Variants in HS2ST1 observed in about 807,000 individuals in gnomAD.
HS2ST1 encodes the protein heparan sulfate 2-O-sulfotransferase 1.
HS2ST1 carries 18 observed loss-of-function variants against 42.9 expected under a neutral mutation model. The ratio of observed to expected loss-of-function variants is 0.42; its 90% confidence interval spans 0.29 to 0.62. The LOEUF is 0.62. Among genes scored for constraint, HS2ST1 ranks in the 20% least tolerant of loss-of-function variants. The pLI, the probability that HS2ST1 is intolerant of heterozygous loss-of-function variation, is 0.21. For missense variants in HS2ST1, 334 were observed against 433.8 expected, an observed-to-expected ratio of 0.77 and a Z score of 2.04; for synonymous variants, 146 against 152.9, an observed-to-expected ratio of 0.95 and a Z score of 0.33.
chr1:86,943,537 C>T (rs1373206735), intron 1 of HS2ST1, among the ~76,000 whole-genome samples: 1 of 151,948 alleles, frequency 6.6e-6, no homozygotes, highest in Admixed American at 6.6e-5. Context: ...GCCTGGGCAA[C>T]ATGGCAAAAC....
intron 1 of HS2ST1, among the ~76,000 whole-genome samples, chr1:86,974,747 A>G (rs901691084): frequency 6.6e-6 from 1 of 152,184 alleles, no homozygotes; most frequent in Non-Finnish European, 1.5e-5. Context: ...AAACCCACAC[A>G]TTAAGACCCA....
chr1:87,105,087 C>G lies in HS2ST1; in HGVS notation c.*391C>G, dbSNP rs914783916. On this transcript the variant is annotated 3_prime_UTR_variant, in exon 7 of 7. Coordinates refer to ENST00000370550, the MANE Select transcript of HS2ST1 (RefSeq NM_012262.4). ...AGATGAGTCCATTTGCCTCTTCTGC[C>G]TTCACTGAGGGTTTGGGTTATACAC... 5.5e-6 allele frequency: 1 copy of G among 181,820 alleles called. No individual in the cohort carries two copies. Among genetic ancestry groups the G allele is most frequent in the Non-Finnish European group, 1.2e-5 (1 of 86,384 alleles). 11.3% of individuals were successfully genotyped at this position (181,820 alleles called of 1,614,324 possible).
intron 1 of HS2ST1, among the ~76,000 whole-genome samples, chr1:86,935,905 A>G (rs1660642245): frequency 6.6e-6 from 1 of 152,198 alleles, no homozygotes; most frequent in Admixed American, 6.5e-5. Flanking sequence ...TCCTTCACCC[A>G]GTTTTCCCCA....
chr1:86,949,298 A>T (rs1647432516), intron 1 of HS2ST1, among the ~76,000 whole-genome samples: 1 of 152,148 alleles, frequency 6.6e-6, no homozygotes, highest in Non-Finnish European at 1.5e-5. Flanking sequence ...TAGTAGAGGC[A>T]GGGTTTCGCC....
chr1:86,947,916 T>C (rs1647387263), intron 1 of HS2ST1, among the ~76,000 whole-genome samples: 1 of 152,138 alleles, frequency 6.6e-6, no homozygotes, highest in South Asian at 2.1e-4. Context: ...GCAATATATA[T>C]GGAACATTCA....
intron 1 of HS2ST1, among the ~76,000 whole-genome samples, chr1:86,968,768 CT>C (rs1002910570): frequency 3.3e-5 from 5 of 151,764 alleles, no homozygotes; most frequent in African/African-American, 9.7e-5. Context: ...AACGTCTTTA[CT>C]TTAATCATTT....
intron 1 of HS2ST1, among the ~76,000 whole-genome samples, chr1:86,978,692 G>A (rs1290658095): frequency 1.3e-5 from 2 of 151,754 alleles, no homozygotes; most frequent in Non-Finnish European, 1.5e-5. Flanking sequence ...CATTCCAACT[G>A]AATAATTACA....
intron 1 of HS2ST1, among the ~76,000 whole-genome samples, chr1:87,049,256 AT>A (rs1278236974): frequency 6.6e-6 from 1 of 151,914 alleles, no homozygotes; most frequent in African/African-American, 2.4e-5. Flanking sequence ...CATTTCTGAT[AT>A]TAATAATTTG....
chr1:86,924,016 T>C (rs1660359815), intron 1 of HS2ST1, among the ~76,000 whole-genome samples: 1 of 152,218 alleles, frequency 6.6e-6, no homozygotes, highest in East Asian at 1.9e-4. Context: ...CCCTTCTGCC[T>C]ATGAGCCTGT....
At chr1:87,103,663 A>C (rs1249948698) in intron 6 of HS2ST1, 74 bp downstream of exon 6, 1 of 1,272,478 alleles carries the variant, frequency 7.9e-7, no homozygotes, top group Non-Finnish European at 1.1e-6. Flanking sequence ...TAAATATGTG[A>C]TTTGAAGTTT....
chr1:87,091,914 T>A (rs1018079121), intron 3 of HS2ST1, among the ~76,000 whole-genome samples: 2 of 152,012 alleles, frequency 1.3e-5, no homozygotes, highest in African/African-American at 4.8e-5. Context: ...ACCTCTATCT[T>A]GTCTTTAAAA....
chr1:87,031,404 G>A (rs1022989252), intron 1 of HS2ST1, among the ~76,000 whole-genome samples: 15 of 151,804 alleles, frequency 9.9e-5, no homozygotes, highest in Middle Eastern at 3.4e-3. Flanking sequence ...GGGAGTCATC[G>A]TTGAGAACCA....
At chr1:87,067,222 C>T (rs1034824388) in intron 1 of HS2ST1, among the ~76,000 whole-genome samples, 7 of 152,212 alleles carry the variant, frequency 4.6e-5, no homozygotes, top group Admixed American at 4.6e-4. Flanking sequence ...TCCACGTCCT[C>T]TCCAGCATCT....
chr1:87,024,225 G>C (rs1650027246), intron 1 of HS2ST1, among the ~76,000 whole-genome samples: 1 of 152,120 alleles, frequency 6.6e-6, no homozygotes, highest in African/African-American at 2.4e-5. Flanking sequence ...GATCTGGCTG[G>C]GCGCAGTGGC....
intron 1 of HS2ST1, among the ~76,000 whole-genome samples, chr1:86,956,835 A>G (rs1209149272): frequency 6.6e-6 from 1 of 152,190 alleles, no homozygotes; most frequent in East Asian, 1.9e-4. Flanking sequence ...TTCTCTTTAC[A>G]CTTTGAGTAA....
rs1570543027 is a variant in HS2ST1, at chr1:87,092,609, T to C, written c.528T>C (p.Phe176=). Residue 176 remains phenylalanine, a synonymous_variant, in exon 4 of 7, where the codon TTT becomes TTC. Transcript: ENST00000370550. ...PIERLVSYYY[F]LRFGDDYRPG... ...AGAGGCTAGTTTCTTATTATTACTT[T>C]CTGAGATTTGGAGATGATTATAGAC... 1 of 1,592,052 alleles carries C rather than the reference T, an allele frequency of 6.3e-7. No homozygotes were observed. The highest frequency in any genetic ancestry group is 8.6e-7 in the Non-Finnish European group (1 of 1,169,158).
At chr1:86,975,228 A>G (rs1648362473) in intron 1 of HS2ST1, among the ~76,000 whole-genome samples, 2 of 152,040 alleles carry the variant, frequency 1.3e-5, no homozygotes, top group South Asian at 4.1e-4. Flanking sequence ...ATGTGATCTA[A>G]AAGTCATTTT....
chr1:86,963,800 C>CT (rs1445145149), intron 1 of HS2ST1, among the ~76,000 whole-genome samples: 2 of 138,420 alleles, frequency 1.4e-5, no homozygotes, highest in African/African-American at 6.0e-5. Context: ...TGGCCCCCAC[C>CT]TCCCCCCCTG....
intron 1 of HS2ST1, among the ~76,000 whole-genome samples, chr1:87,001,921 T>C (rs913119845): frequency 2.0e-5 from 3 of 147,394 alleles, no homozygotes; most frequent in African/African-American, 7.6e-5. Context: ...AGGAGTATTT[T>C]TTTTTTTTTG....
Sources: gnomAD v4.1 joint callset for allele counts (sites outside exome capture counted in the v4.1 genomes callset) on GRCh38, gnomAD v4.1.1 for gene constraint, MANE v1.5 for transcripts, NCBI Gene and HGNC (gene_info 2026-07-23, HGNC 2026-07-21) for gene names.